Variants in RAE1 observed in about 807,000 individuals in gnomAD.
RAE1 encodes ribonucleic acid export 1, also known as mRNA export factor RAE1.
A neutral mutation model predicts 52.7 loss-of-function variants in RAE1; 13 were observed. The ratio of observed to expected loss-of-function variants is 0.25; its 90% CI spans 0.16 to 0.39. The LOEUF is 0.39. Ranked by LOEUF, RAE1 falls within the 10% of genes least tolerant of loss-of-function variation. The pLI, the probability that RAE1 is intolerant of heterozygous loss-of-function variation, is 1.00. For synonymous variants in RAE1, 164 were observed against 153.1 expected (o/e 1.07, Z -0.52); for missense variants, 262 against 459.8 (o/e 0.57, Z 3.93).
chr20:57,377,474 G>A (rs2067132492), intron 11 of RAE1, among the ~76,000 whole-genome samples: 1 of 152,230 alleles, frequency 6.6e-6, no homozygotes, highest in African/African-American at 2.4e-5. Flanking sequence ...GTCTTTCGAT[G>A]CTGTATAGCC....
intron 11 of RAE1, among the ~76,000 whole-genome samples, chr20:57,376,578 G>A (rs955360941): frequency 2.0e-5 from 3 of 152,200 alleles, no homozygotes; most frequent in Non-Finnish European, 4.4e-5. Flanking sequence ...TTACTTTTCA[G>A]TGCTGGGTAG....
intron 3 of RAE1, among the ~76,000 whole-genome samples, chr20:57,356,224 A>G (rs779138799): frequency 1.3e-5 from 2 of 152,202 alleles, no homozygotes; most frequent in Non-Finnish European, 2.9e-5. Flanking sequence ...AATTATCTGC[A>G]ATTTTATGTG....
chr20:57,377,869 T>G, intron 11 of RAE1, 144 bp from the exon 12 acceptor site: 1 of 623,622 alleles, frequency 1.6e-6, no homozygotes, highest in Non-Finnish European at 2.7e-6. Flanking sequence ...CTGCTTCGCA[T>G]TTGACTTTAT....
intron 11 of RAE1, among the ~76,000 whole-genome samples, chr20:57,376,972 C>T (rs2067125144): frequency 6.6e-6 from 1 of 152,212 alleles, no homozygotes; most frequent in African/African-American, 2.4e-5. Flanking sequence ...AAATTAGCAT[C>T]TTTTTAGTTT....
intron 3 of RAE1, 75 bp from the exon 4 acceptor site, chr20:57,356,371 A>G (rs2146131182): frequency 1.7e-6 from 2 of 1,142,972 alleles, no homozygotes; most frequent in Non-Finnish European, 2.6e-6. Context: ...GGTGTACCCC[A>G]TTAGTTTTTA....
chr20:57,369,100 C>G (rs2066998035), intron 8 of RAE1, among the ~76,000 whole-genome samples: 1 of 152,166 alleles, frequency 6.6e-6, no homozygotes, highest in Non-Finnish European at 1.5e-5. Flanking sequence ...AAGGGGTTCA[C>G]TGAAAAGTAG....
intron 4 of RAE1, among the ~76,000 whole-genome samples, chr20:57,360,669 T>C (rs532293522): frequency 4.1e-4 from 62 of 152,372 alleles, no homozygotes; most frequent in East Asian, 1.3e-3. Flanking sequence ...CTGGAGTTTT[T>C]TACAACTTAG....
chr20:57,373,789 G>A (rs1344227515), intron 10 of RAE1, 51 bp downstream of exon 10: 12 of 1,552,408 alleles, frequency 7.7e-6, no homozygotes, highest in South Asian at 1.1e-5. Flanking sequence ...AACCAGACTT[G>A]GAGGTGGCTG....
intron 4 of RAE1, among the ~76,000 whole-genome samples, chr20:57,356,769 A>G (rs943327409): frequency 1.3e-5 from 2 of 152,192 alleles, no homozygotes; most frequent in African/African-American, 4.8e-5. Flanking sequence ...GGAGAGTTTA[A>G]TGATTAAGGG....
chr20:57,365,081 G>A (rs1168738804), intron 4 of RAE1, among the ~76,000 whole-genome samples: 2 of 152,074 alleles, frequency 1.3e-5, no homozygotes, highest in Non-Finnish European at 2.9e-5. Flanking sequence ...CTGGGATCAG[G>A]GACAAGAGAA....
chr20:57,359,184 G>A (rs536494855), intron 4 of RAE1: 3 of 467,082 alleles, frequency 6.4e-6, no homozygotes, highest in African/African-American at 6.0e-5. Context: ...AACAGGCGGG[G>A]TAAGATTTGC....
intron 1 of RAE1, chr20:57,351,840 TAA>T: frequency 1.0e-6 from 1 of 985,472 alleles, no homozygotes; most frequent in Non-Finnish European, 1.2e-6. Flanking sequence ...TCTCTGAAAC[TAA>T]GTCTGTTTCT....
chr20:57,370,906 A>G (rs2067026726), intron 8 of RAE1, among the ~76,000 whole-genome samples: 1 of 152,130 alleles, frequency 6.6e-6, no homozygotes, highest in African/African-American at 2.4e-5. Context: ...CTCGGCCACC[A>G]CCAGCCTGTT....
chr20:57,377,211 G>A (rs2067128581), intron 11 of RAE1, among the ~76,000 whole-genome samples: 1 of 152,178 alleles, frequency 6.6e-6, no homozygotes, highest in Non-Finnish European at 1.5e-5. Context: ...TGTCATCAGA[G>A]TACAGGTGAC....
At chr20:57,375,076 C>T in intron 11 of RAE1, 1 of 694,666 alleles carries the variant, frequency 1.4e-6, no homozygotes, top group Non-Finnish European at 2.6e-6. Flanking sequence ...CACAGGCAAG[C>T]CGGGGGCTGC....
At chr20:57,373,787 T>C in intron 10 of RAE1, 49 bp downstream of exon 10, 8 of 1,557,766 alleles carry the variant, frequency 5.1e-6, no homozygotes, top group East Asian at 2.2e-5. Context: ...GAAACCAGAC[T>C]TGGAGGTGGC....
At position 57,354,199 on chromosome 20, in the gene RAE1, C is replaced by G. The variant is rs530566922; in HGVS notation, c.90+71C>G. The G allele has an allele frequency of 5.1e-6, 7 of 1,368,350 alleles. No individual in the cohort carries two copies. The Admixed American group carries it at 5.6e-5, about 11-fold the overall frequency. 84.8% of individuals were successfully genotyped at this position (1,368,350 alleles called of 1,614,324 possible). A position where few individuals can be genotyped will look rare whatever the true frequency, so the allele number is the denominator to read the frequency against. The stretch of plus-strand genomic sequence containing the variant: ...AGTTTCTCCCATCAAGGACAGAACC[C>G]GAGATGACTTGGGAGCCTCCTTTAG... On this transcript the variant is annotated intron_variant, in intron 2 of 11. Transcript: ENST00000395841.
At chr20:57,358,853 C>G (rs2066841677) in intron 4 of RAE1, 1 of 824,174 alleles carries the variant, frequency 1.2e-6, no homozygotes, top group Non-Finnish European at 1.7e-6. Context: ...TCCGAGGTCA[C>G]CCCAACCAAA....
chr20:57,367,200 A>T (rs1364000081), intron 7 of RAE1, 121 bp downstream of exon 7: 2 of 874,610 alleles, frequency 2.3e-6, no homozygotes, highest in African/African-American at 3.4e-5. Flanking sequence ...CTTTAGTAAT[A>T]GATATAAAGG....
Sources: allele counts gnomAD v4.1 joint callset (sites outside exome capture counted in the v4.1 genomes callset), GRCh38; gene constraint gnomAD v4.1.1; transcripts MANE v1.5; gene names NCBI Gene and HGNC (gene_info 2026-07-23, HGNC 2026-07-21).